OSTN: variants seen among roughly 807,000 people sequenced by gnomAD.
OSTN encodes the protein osteocrin.
Under a neutral mutation model 12.0 loss-of-function variants are expected in OSTN, and 9 were observed. The ratio of observed to expected loss-of-function variants is 0.75; its 90% CI spans 0.45 to 1.30. The LOEUF (loss-of-function observed/expected upper bound fraction) is 1.30, where lower values mean the gene tolerates loss of function less well. Among genes scored for constraint, OSTN ranks in the 50% most tolerant of loss-of-function variants. OSTN has a pLI of 0.00. For synonymous variants in OSTN, 59 were observed against 56.9 expected (o/e 1.04, Z -0.16); for missense variants, 148 against 152.3 (o/e 0.97, Z 0.15).
At position 191,232,086 on chromosome 3, in the gene OSTN, T is replaced by C. The variant is rs548496548; in HGVS notation, c.317+13125T>C. ...TGGCTCATGCCTGTAATTCCAGCAC[T>C]TGGGGAGGCCGAGGCAGGCAGAGCA... On this transcript the variant is annotated intron_variant, in intron 3 of 4. Coordinates refer to ENST00000682035, the MANE Select transcript of OSTN (RefSeq NM_198184.2). Among the ~76,000 whole-genome samples the C allele has an allele frequency of 6.7e-4, 102 of 152,014 alleles. 1 individual carries two copies. Among genetic ancestry groups the C allele is most frequent in the African/African-American group, 2.2e-3 (92 of 41,480 alleles).
At chr3:191,205,993 T>C (rs1714264952) in intron 1 of OSTN, among the ~76,000 whole-genome samples, 1 of 152,176 alleles carries the variant, frequency 6.6e-6, no homozygotes, top group South Asian at 2.1e-4. Flanking sequence ...GAGAACAGCC[T>C]GGCCAACATG....
chr3:191,208,302 G>C (rs547130662), intron 1 of OSTN, among the ~76,000 whole-genome samples: 20 of 152,170 alleles, frequency 1.3e-4, no homozygotes, highest in Non-Finnish European at 2.6e-4. Context: ...AAATGGGGCT[G>C]AACTTAGACT....
At chr3:191,239,544 A>G (rs946792837) in intron 3 of OSTN, among the ~76,000 whole-genome samples, 1 of 152,218 alleles carries the variant, frequency 6.6e-6, no homozygotes, top group African/African-American at 2.4e-5. Flanking sequence ...CATGTGGCTA[A>G]TTCCTTGAGA....
chr3:191,212,402 A>T, intron 1 of OSTN, 131 bp from the exon 2 acceptor site: 1 of 372,038 alleles, frequency 2.7e-6, no homozygotes, highest in Non-Finnish European at 5.0e-6. Flanking sequence ...TTTTGTAGAG[A>T]TGCACTCAAA....
At chr3:191,200,831 C>T (rs1456443421) in intron 1 of OSTN, among the ~76,000 whole-genome samples, 1 of 152,148 alleles carries the variant, frequency 6.6e-6, no homozygotes, top group Admixed American at 6.6e-5. Flanking sequence ...CTGTTACCTA[C>T]CAGACAACTT....
At chr3:191,212,034 C>G (rs1714431568) in intron 1 of OSTN, among the ~76,000 whole-genome samples, 1 of 151,636 alleles carries the variant, frequency 6.6e-6, no homozygotes, top group Non-Finnish European at 1.5e-5. Context: ...CTTATGAAAT[C>G]CTGACATGAC....
At chr3:191,222,716 G>T (rs1714799395) in intron 3 of OSTN, among the ~76,000 whole-genome samples, 2 of 152,086 alleles carry the variant, frequency 1.3e-5, no homozygotes, top group South Asian at 4.1e-4. Flanking sequence ...TATATGGTTT[G>T]TCTGTGTCCC....
At chr3:191,251,132 T>C (rs78829614) in intron 4 of OSTN, among the ~76,000 whole-genome samples, 4,741 of 152,262 alleles carry the variant, frequency 0.031, 233 homozygotes, top group East Asian at 0.23. Flanking sequence ...GTTAATTTAT[T>C]AATAAGTATT....
At chr3:191,202,948 C>T (rs1472750220) in intron 1 of OSTN, among the ~76,000 whole-genome samples, 1 of 152,062 alleles carries the variant, frequency 6.6e-6, no homozygotes, top group East Asian at 1.9e-4. Flanking sequence ...GATTTAGGTA[C>T]AGATTAATGT....
At chr3:191,256,192 C>A (rs1453397841) in intron 4 of OSTN, among the ~76,000 whole-genome samples, 1 of 152,026 alleles carries the variant, frequency 6.6e-6, no homozygotes, top group Non-Finnish European at 1.5e-5. Context: ...TATGCTAAAA[C>A]ATATCAGAAT....
rs1715859093 is a variant in OSTN, at chr3:191,263,661, A to G, written c.*808A>G. 6.6e-6 allele frequency: 1 copy of G among 152,170 alleles called. No individual in the cohort carries two copies. The highest frequency in any genetic ancestry group is 6.5e-5 in the Admixed American group (1 of 15,274). 9.4% of individuals were successfully genotyped at this position (152,170 alleles called of 1,614,324 possible). A position where few individuals can be genotyped will look rare whatever the true frequency, so the allele number is the denominator to read the frequency against. ...TCATTTTAGCTCAGTACACTTCAGC[A>G]TAGTACAATGTGATCTTTTTGATAT... is the stretch of plus-strand genomic sequence containing the variant. On this transcript the variant is annotated 3_prime_UTR_variant, in exon 5 of 5. Coordinates refer to ENST00000682035, the MANE Select transcript of OSTN (RefSeq NM_198184.2).
chr3:191,241,998 G>T (rs1715331421), intron 3 of OSTN, among the ~76,000 whole-genome samples: 1 of 151,274 alleles, frequency 6.6e-6, no homozygotes. Flanking sequence ...AAAACAAATA[G>T]CAATGTATTT....
At chr3:191,255,262 C>T (rs568958526) in intron 4 of OSTN, among the ~76,000 whole-genome samples, 3 of 152,308 alleles carry the variant, frequency 2.0e-5, no homozygotes, top group African/African-American at 7.2e-5. Context: ...GCTCACTTGC[C>T]CACTGCTCAC....
intron 4 of OSTN, among the ~76,000 whole-genome samples, chr3:191,256,494 A>G (rs1337536384): frequency 6.6e-6 from 1 of 152,146 alleles, no homozygotes; most frequent in African/African-American, 2.4e-5. Flanking sequence ...GTAAAATAAG[A>G]CATTCATTTA....
chr3:191,208,173 G>A (rs577178883), intron 1 of OSTN, among the ~76,000 whole-genome samples: 2 of 152,172 alleles, frequency 1.3e-5, no homozygotes, highest in South Asian at 2.1e-4. Flanking sequence ...CTTTACTTTG[G>A]TGCATTCACG....
intron 4 of OSTN, among the ~76,000 whole-genome samples, chr3:191,259,460 C>T (rs1174219055): frequency 2.0e-5 from 3 of 150,474 alleles, no homozygotes; most frequent in Non-Finnish European, 4.5e-5. Context: ...CTTGGCCTCC[C>T]GAAGTGCTGG....
chr3:191,217,373 A>G (rs1426182897), intron 2 of OSTN, among the ~76,000 whole-genome samples: 4 of 152,054 alleles, frequency 2.6e-5, no homozygotes, highest in Non-Finnish European at 5.9e-5. Flanking sequence ...AGACAATAGA[A>G]GGAATAATCT....
chr3:191,230,093 TA>T (rs1204087116), intron 3 of OSTN, among the ~76,000 whole-genome samples: 3 of 151,534 alleles, frequency 2.0e-5, no homozygotes, highest in African/African-American at 4.8e-5. Context: ...AATAAATAAA[TA>T]AATAAATAAC....
rs1267559553 is a variant in OSTN at position 191,264,088 on chromosome 3, G to A, written c.*1235G>A. The A allele has an allele frequency of 6.6e-6, 1 of 152,096 alleles. No homozygotes were observed. The highest frequency in any genetic ancestry group is 1.9e-4 in the East Asian group (1 of 5,202). The allele number at this position is 152,096 out of a possible 1,614,324, so 9.4% of individuals were successfully genotyped here. A position where few individuals can be genotyped will look rare whatever the true frequency, so the allele number is the denominator to read the frequency against. ...GAGGAAAAAAGTTTTGTCCAGTAGA[G>A]CAAAGGCTTATTTCAGCATAAAAAG... is the stretch of plus-strand genomic sequence containing the variant. On this transcript the variant is annotated 3_prime_UTR_variant, in exon 5 of 5. Transcript: ENST00000682035.
Sources: allele counts gnomAD v4.1 joint callset (sites outside exome capture counted in the v4.1 genomes callset), GRCh38; gene constraint gnomAD v4.1.1; transcripts MANE v1.5; gene names NCBI Gene and HGNC (gene_info 2026-07-23, HGNC 2026-07-21).